The following DDX52 variants were observed in gnomAD, a reference collection of about 807,000 sequenced individuals.
DDX52 encodes DExD-box helicase 52.
A neutral mutation model predicts 76.1 loss-of-function variants in DDX52; 59 were observed. That is an observed-to-expected ratio of 0.78 (90% confidence interval 0.63 to 0.96). The LOEUF (loss-of-function observed/expected upper bound fraction) is 0.96, where lower values mean the gene tolerates loss of function less well. Ranked by LOEUF, DDX52 falls within the 40% of genes least tolerant of loss-of-function variation. The pLI, the probability that DDX52 is intolerant of heterozygous loss-of-function variation, is 0.00. For synonymous variants in DDX52, 231 were observed against 244.1 expected (o/e 0.95, Z 0.50); for missense variants, 707 against 703.9 (o/e 1.00, Z -0.05).
chr17:37,623,211 C>T (rs1024578981), intron 9 of DDX52, among the ~76,000 whole-genome samples: 4 of 152,184 alleles, frequency 2.6e-5, no homozygotes, highest in African/African-American at 9.7e-5. Flanking sequence ...TTCCATCTTT[C>T]CCATTACAAT....
chr17:37,641,032 G>A (rs2031169965), intron 2 of DDX52, among the ~76,000 whole-genome samples: 1 of 151,842 alleles, frequency 6.6e-6, no homozygotes, highest in Non-Finnish European at 1.5e-5. Context: ...TGTCAAAATG[G>A]GCAAAGAGTA....
At chr17:37,628,529 C>G (rs1376950742) in intron 6 of DDX52, 32 bp downstream of exon 6, 1 of 1,483,294 alleles carries the variant, frequency 6.7e-7, no homozygotes, top group Non-Finnish European at 9.4e-7. Context: ...TCCTTACATG[C>G]TCTATCTACA....
chr17:37,634,195 C>T (rs1448394613), intron 2 of DDX52, among the ~76,000 whole-genome samples: 3 of 151,684 alleles, frequency 2.0e-5, no homozygotes, highest in Non-Finnish European at 4.4e-5. Context: ...GTGATCCGCC[C>T]GCCTCGGCCT....
chr17:37,624,411 T>C lies in DDX52; in HGVS notation c.1160A>G (p.Glu387Gly). The part of the protein sequence containing the change: ...GARNSAVETV[E>G]QELLFVGSET... ...AGATCCAACAAAGAGAAGCTCTTGT[T>C]CTACAGTTTCTACTGCAGAATTCCT... Residue 387 changes from glutamate (E) to glycine (G), a missense_variant, in exon 9 of 15, where the codon GAA (glutamate) becomes GGA (glycine). Coordinates refer to ENST00000617633, the MANE Select transcript of DDX52 (RefSeq NM_007010.5). 6.2e-7 allele frequency: 1 copy of C among 1,604,788 alleles called. No individual in the cohort carries two copies. Among genetic ancestry groups the C allele is most frequent in the Non-Finnish European group, 8.5e-7 (1 of 1,174,066 alleles).
At chr17:37,634,015 G>A (rs531016623) in intron 2 of DDX52, among the ~76,000 whole-genome samples, 34 of 148,020 alleles carry the variant, frequency 2.3e-4, no homozygotes, top group Non-Finnish European at 3.3e-4. Flanking sequence ...GTGCGATCTC[G>A]GCTCACTGCA....
At chr17:37,642,880 T>C (rs17138573) in intron 1 of DDX52, 490 of 160,756 alleles carry the variant, frequency 3.0e-3, no homozygotes, top group African/African-American at 0.011. Flanking sequence ...GCTCTTCTCA[T>C]TGGTTACTTA....
At chr17:37,630,258 A>G in intron 4 of DDX52, 85 bp from the exon 5 acceptor site, 1 of 1,351,060 alleles carries the variant, frequency 7.4e-7, no homozygotes, top group Non-Finnish European at 9.9e-7. Context: ...CAGCCATAGA[A>G]AAAAACAAAT....
In DDX52 at chr17:37,633,940, C is replaced by CTT. The variant is rs557054736; in HGVS notation, c.287-524_287-523dup. 2.1e-3 allele frequency among the ~76,000 whole-genome samples: 267 copies of CTT among 129,994 alleles called. 2 individuals are homozygous for CTT. Among genetic ancestry groups the CTT allele is most frequent in the African/African-American group, 7.4e-3 (252 of 34,248 alleles). 85.3% of individuals were successfully genotyped at this position (129,994 alleles called of 152,430 possible). A position where few individuals can be genotyped will look rare whatever the true frequency, so the allele number is the denominator to read the frequency against. The stretch of plus-strand genomic sequence containing the variant: ...ACTTAAACAATGATAAATTTCTTTC[C>CTT]TTTTTTTTTTTTTTTTTTTGTTTGA... On this transcript the variant is annotated intron_variant, in intron 2 of 14. Transcript: ENST00000617633.
intron 2 of DDX52, among the ~76,000 whole-genome samples, chr17:37,637,914 T>A (rs539090083): frequency 1.3e-5 from 2 of 152,150 alleles, no homozygotes; most frequent in Non-Finnish European, 2.9e-5. Context: ...GTTGAGCAAA[T>A]TTTCCATATG....
chr17:37,636,655 A>C (rs1204250049), intron 2 of DDX52, among the ~76,000 whole-genome samples: 2 of 152,226 alleles, frequency 1.3e-5, no homozygotes, highest in African/African-American at 4.8e-5. Flanking sequence ...TTTACAGTGA[A>C]GCTTCGGTAG....
At chr17:37,619,060 T>C (rs2029940384) in intron 13 of DDX52, among the ~76,000 whole-genome samples, 1 of 152,204 alleles carries the variant, frequency 6.6e-6, no homozygotes, top group South Asian at 2.1e-4. Flanking sequence ...ACTGAATACT[T>C]TTAAAAGAAT....
intron 13 of DDX52, 127 bp downstream of exon 13, chr17:37,619,641 G>T: frequency 1.3e-6 from 1 of 773,538 alleles, no homozygotes; most frequent in Non-Finnish European, 2.0e-6. Context: ...GAGCCTAGGA[G>T]ATCAAGACTA....
At position 37,642,285 on chromosome 17, in the gene DDX52, A is replaced by G; in HGVS notation, c.111T>C (p.Phe37=). 3 of 1,613,860 alleles carry G rather than the reference A, an allele frequency of 1.9e-6. No individual in the cohort carries two copies. Among genetic ancestry groups the G allele is most frequent in the Non-Finnish European group, 2.5e-6 (3 of 1,179,922 alleles). The change falls in exon 2 of 15, where the codon TTT becomes TTC. Residue 37 remains phenylalanine, a synonymous_variant. Transcript: ENST00000617633. ...RFQIGKRKYD[F]DSSEVLQGLD... ...GTCCCTGAAGCACCTCCGAAGAATC[A>G]AAGTCATATTTCCTTTTTCCTATCT...
At chr17:37,641,149 AGGAGGC>A (rs371516980) in intron 2 of DDX52, among the ~76,000 whole-genome samples, 2,147 of 151,848 alleles carry the variant, frequency 0.014, 39 homozygotes, top group African/African-American at 0.045. Flanking sequence ...CCAGCACTTT[AGGAGGC>A]GGAGGCGGAG....
chr17:37,621,597 C>A, intron 9 of DDX52, 77 bp from the exon 10 acceptor site: 1 of 1,495,472 alleles, frequency 6.7e-7, no homozygotes, highest in Admixed American at 2.4e-5. Flanking sequence ...TTGATTGTAG[C>A]TTTTAAGAAC....
At chr17:37,639,882 CGT>C (rs1568611688) in intron 2 of DDX52, among the ~76,000 whole-genome samples, 1 of 152,090 alleles carries the variant, frequency 6.6e-6, no homozygotes, top group African/African-American at 2.4e-5. Flanking sequence ...AAGTTTGTGG[CGT>C]GTCTTTCTTA....
chr17:37,623,708 A>G (rs2030218087), intron 9 of DDX52, among the ~76,000 whole-genome samples: 1 of 152,144 alleles, frequency 6.6e-6, no homozygotes, highest in African/African-American at 2.4e-5. Context: ...AATTTGGCTC[A>G]CCCTGGTGGC....
intron 6 of DDX52, among the ~76,000 whole-genome samples, chr17:37,627,145 T>C (rs1021931304): frequency 6.6e-6 from 1 of 152,210 alleles, no homozygotes; most frequent in African/African-American, 2.4e-5. Context: ...TCTTCTGGCA[T>C]CAGCATTCTG....
chr17:37,640,884 T>C, intron 2 of DDX52, among the ~76,000 whole-genome samples: 1 of 151,906 alleles, frequency 6.6e-6, no homozygotes, highest in South Asian at 2.1e-4. Flanking sequence ...CTCAGGAGCC[T>C]GAGGCAGAAG....
Sources: gnomAD v4.1 joint callset for allele counts (sites outside exome capture counted in the v4.1 genomes callset) on GRCh38, gnomAD v4.1.1 for gene constraint, MANE v1.5 for transcripts, NCBI Gene and HGNC (gene_info 2026-07-23, HGNC 2026-07-21) for gene names.